The following DIAPH3 variants were observed in gnomAD, a reference collection of about 807,000 sequenced individuals.
DIAPH3 encodes protein diaphanous homolog 3.
Under a neutral mutation model 144.3 loss-of-function variants are expected in DIAPH3, and 117 were observed. That is an observed-to-expected ratio of 0.81 (90% CI 0.70 to 0.95). The LOEUF is 0.95. Ranked by LOEUF, DIAPH3 falls within the 40% of genes least tolerant of loss-of-function variation. DIAPH3 has a pLI of 0.00. For synonymous variants in DIAPH3, 519 were observed against 488.9 expected, an observed-to-expected ratio of 1.06 and a Z score of -0.81; for missense variants, 1,421 against 1,412.7, an observed-to-expected ratio of 1.01 and a Z score of -0.09.
intron 9 of DIAPH3, among the ~76,000 whole-genome samples, chr13:59,999,454 A>G (rs1366502966): frequency 6.6e-6 from 1 of 152,064 alleles, no homozygotes; most frequent in Non-Finnish European, 1.5e-5. Context: ...TAAGTTAAGG[A>G]AAAATTTAAC....
At chr13:59,973,949 AGCTAGAG>A (rs2050528430) in intron 15 of DIAPH3, among the ~76,000 whole-genome samples, 1 of 152,126 alleles carries the variant, frequency 6.6e-6, no homozygotes, top group Non-Finnish European at 1.5e-5. Context: ...GTTCTCATTC[AGCTAGAG>A]GTTATCTTTT....
intron 27 of DIAPH3, among the ~76,000 whole-genome samples, chr13:59,771,742 A>T (rs919436305): frequency 6.6e-6 from 1 of 152,078 alleles, no homozygotes; most frequent in South Asian, 2.1e-4. Context: ...AAGTTATCAG[A>T]CCTCTTTAAT....
At chr13:59,782,739 T>G (rs1033419373) in intron 25 of DIAPH3, among the ~76,000 whole-genome samples, 4 of 151,996 alleles carry the variant, frequency 2.6e-5, no homozygotes, top group African/African-American at 9.7e-5. Flanking sequence ...GTGGTGGGCA[T>G]GTAGTATGGG....
chr13:59,977,285 C>T (rs1254229499), intron 14 of DIAPH3, among the ~76,000 whole-genome samples: 1 of 151,694 alleles, frequency 6.6e-6, no homozygotes. Flanking sequence ...TGATGTTTGA[C>T]CTCAAAGTCT....
At chr13:60,072,427 C>T (rs1029634173) in intron 4 of DIAPH3, among the ~76,000 whole-genome samples, 1 of 152,166 alleles carries the variant, frequency 6.6e-6, no homozygotes, top group Non-Finnish European at 1.5e-5. Context: ...CCTTTACACA[C>T]ATGCACAAGA....
At chr13:59,732,915 T>A (rs540207251) in intron 27 of DIAPH3, among the ~76,000 whole-genome samples, 14 of 152,248 alleles carry the variant, frequency 9.2e-5, no homozygotes, top group African/African-American at 3.4e-4. Flanking sequence ...AAGAATAGAT[T>A]AGAAAAGAAA....
At chr13:59,901,893 G>A (rs533196324) in intron 20 of DIAPH3, among the ~76,000 whole-genome samples, 105 of 152,220 alleles carry the variant, frequency 6.9e-4, no homozygotes, top group African/African-American at 2.4e-3. Flanking sequence ...GCAGTGGCAC[G>A]ATCTTGGCTC....
chr13:60,071,155 C>A (rs2057191965), intron 4 of DIAPH3, among the ~76,000 whole-genome samples: 3 of 152,160 alleles, frequency 2.0e-5, no homozygotes, highest in Admixed American at 1.3e-4. Flanking sequence ...TTAACCTTAA[C>A]CTCAGAGTCA....
intron 27 of DIAPH3, among the ~76,000 whole-genome samples, chr13:59,719,719 T>C (rs2035243946): frequency 6.6e-6 from 1 of 152,086 alleles, no homozygotes; most frequent in Non-Finnish European, 1.5e-5. Flanking sequence ...CTTTTTCCTC[T>C]CTGAATAAAG....
At chr13:59,977,338 AAT>A (rs2050736071) in intron 14 of DIAPH3, among the ~76,000 whole-genome samples, 1 of 151,990 alleles carries the variant, frequency 6.6e-6, no homozygotes, top group African/African-American at 2.4e-5. Context: ...AATGACAAGC[AAT>A]ACTTTGTAAG....
intron 25 of DIAPH3, among the ~76,000 whole-genome samples, chr13:59,775,193 A>G (rs1447504755): frequency 6.6e-6 from 1 of 152,182 alleles, no homozygotes; most frequent in Non-Finnish European, 1.5e-5. Context: ...TCAAGGCATC[A>G]TCTTCTATTC....
intron 5 of DIAPH3, among the ~76,000 whole-genome samples, chr13:60,025,103 C>T (rs1025684656): frequency 1.3e-5 from 2 of 152,068 alleles, no homozygotes; most frequent in African/African-American, 4.8e-5. Context: ...GATGGGGCCA[C>T]ATATTTTTTT....
At chr13:60,048,459 C>A (rs1030941458) in intron 4 of DIAPH3, among the ~76,000 whole-genome samples, 1 of 152,210 alleles carries the variant, frequency 6.6e-6, no homozygotes, top group Non-Finnish European at 1.5e-5. Context: ...TTCAAGATCA[C>A]CTGTCAGCAG....
chr13:59,962,819 G>A (rs2049841521), intron 17 of DIAPH3, among the ~76,000 whole-genome samples: 1 of 151,850 alleles, frequency 6.6e-6, no homozygotes, highest in African/African-American at 2.4e-5. Context: ...AGATCTAGTT[G>A]CAAGTCTAAT....
rs1239442662 is a variant in DIAPH3, at chr13:60,008,678, G to A, written c.909-29C>T. The A allele has an allele frequency of 4.3e-6, 6 of 1,389,830 alleles. No individual in the cohort carries two copies. In the South Asian group the frequency reaches 4.6e-5, roughly 11 times the overall value. 86.1% of individuals were successfully genotyped at this position (1,389,830 alleles called of 1,614,324 possible). A position where few individuals can be genotyped will look rare whatever the true frequency, so the allele number is the denominator to read the frequency against. On this transcript the variant is annotated intron_variant, in intron 8 of 27. Coordinates refer to ENST00000400324, the MANE Select transcript of DIAPH3 (RefSeq NM_001042517.2). ...TTGGAAAATTTGAGTCAATTAAATTGCAAGTAGCAAACACAAATGCCATAA... is the reference window on the plus strand; with the variant it reads ...TTGGAAAATTTGAGTCAATTAAATTACAAGTAGCAAACACAAATGCCATAA...
At chr13:60,104,097 T>TAA (rs975044562) in intron 3 of DIAPH3, among the ~76,000 whole-genome samples, 1 of 152,154 alleles carries the variant, frequency 6.6e-6, no homozygotes, top group African/African-American at 2.4e-5. Context: ...ATTAGAAAAC[T>TAA]AAAAGATAAA....
At chr13:59,973,307 C>T (rs2050492377) in intron 15 of DIAPH3, among the ~76,000 whole-genome samples, 1 of 151,986 alleles carries the variant, frequency 6.6e-6, no homozygotes, top group South Asian at 2.1e-4. Context: ...ATTTACGTTA[C>T]CCCAGACCAA....
chr13:59,689,524 CAAG>C (rs1016417696), intron 27 of DIAPH3, among the ~76,000 whole-genome samples: 4 of 151,946 alleles, frequency 2.6e-5, no homozygotes. Context: ...GCACCAGAAT[CAAG>C]GAGAAATTTT....
chr13:59,710,839 A>AAC (rs2034694718), intron 27 of DIAPH3, among the ~76,000 whole-genome samples: 1 of 152,160 alleles, frequency 6.6e-6, no homozygotes, highest in Admixed American at 6.5e-5. Context: ...AAACAAGTTA[A>AAC]AAAAAATTCA....
Sources: gnomAD v4.1 joint callset for allele counts (sites outside exome capture counted in the v4.1 genomes callset) on GRCh38, gnomAD v4.1.1 for gene constraint, MANE v1.5 for transcripts, NCBI Gene and HGNC (gene_info 2026-07-23, HGNC 2026-07-21) for gene names.